The following TMEM178B variants were observed in gnomAD, a reference collection of about 807,000 sequenced individuals.
The protein encoded by TMEM178B is transmembrane protein 178B.
A neutral mutation model predicts 31.0 loss-of-function variants in TMEM178B; 5 were observed. That is an observed-to-expected ratio of 0.16 (90% confidence interval 0.08 to 0.34). The LOEUF (loss-of-function observed/expected upper bound fraction) is 0.34, where lower values mean the gene tolerates loss of function less well. Among genes scored for constraint, TMEM178B ranks in the 10% least tolerant of loss-of-function variants. The probability of loss-of-function intolerance (pLI) is 1.00; values close to 1 mark genes in which losing one functional copy is unlikely to be tolerated. For synonymous variants in TMEM178B, 164 were observed against 164.0 expected, an observed-to-expected ratio of 1.00 and a Z score of 0.00; for missense variants, 275 against 400.3, an observed-to-expected ratio of 0.69 and a Z score of 2.67.
At chr7:141,342,313 TA>T (rs895380511) in intron 2 of TMEM178B, among the ~76,000 whole-genome samples, 3 of 152,382 alleles carry the variant, frequency 2.0e-5, no homozygotes, top group African/African-American at 7.2e-5. Context: ...TCATTGGTTC[TA>T]ACCTTCCCGA....
At chr7:141,103,926 C>T (rs1486280508) in intron 1 of TMEM178B, among the ~76,000 whole-genome samples, 1 of 152,122 alleles carries the variant, frequency 6.6e-6, no homozygotes, top group Non-Finnish European at 1.5e-5. Context: ...TTTCAGGAAC[C>T]AATTCCTCTG....
At chr7:141,424,408 T>C (rs1801276806) in intron 2 of TMEM178B, among the ~76,000 whole-genome samples, 1 of 152,204 alleles carries the variant, frequency 6.6e-6, no homozygotes, top group Admixed American at 6.5e-5. Context: ...AAGAGGAGCA[T>C]GGCAGGTCTG....
intron 1 of TMEM178B, among the ~76,000 whole-genome samples, chr7:141,165,257 C>T (rs768032570): frequency 1.3e-5 from 2 of 152,156 alleles, no homozygotes; most frequent in African/African-American, 4.8e-5. Context: ...TCTTAGTCTC[C>T]TTCAACCTGT....
intron 1 of TMEM178B, among the ~76,000 whole-genome samples, chr7:141,111,196 T>C (rs1469167395): frequency 6.6e-6 from 1 of 152,186 alleles, no homozygotes; most frequent in Non-Finnish European, 1.5e-5. Flanking sequence ...AGCAAAGTCA[T>C]GTCTTACATG....
At chr7:141,386,523 T>G (rs1800433548) in intron 2 of TMEM178B, among the ~76,000 whole-genome samples, 1 of 152,216 alleles carries the variant, frequency 6.6e-6, no homozygotes, top group Non-Finnish European at 1.5e-5. Context: ...GGGGTACAAT[T>G]TGATGTTTTG....
intron 2 of TMEM178B, among the ~76,000 whole-genome samples, chr7:141,354,320 A>ATCC (rs1455294338): frequency 6.6e-6 from 1 of 152,220 alleles, no homozygotes; most frequent in Non-Finnish European, 1.5e-5. Context: ...ATGTTAAAGA[A>ATCC]CTTATGTATC....
intron 1 of TMEM178B, among the ~76,000 whole-genome samples, chr7:141,138,391 T>C (rs1206459317): frequency 1.3e-5 from 2 of 152,164 alleles, no homozygotes; most frequent in African/African-American, 4.8e-5. Context: ...GAGAGTCCTA[T>C]GGGTCCTTAT....
At chr7:141,223,935 G>T (rs915285075) in intron 2 of TMEM178B, among the ~76,000 whole-genome samples, 2 of 152,132 alleles carry the variant, frequency 1.3e-5, no homozygotes, top group Non-Finnish European at 2.9e-5. Flanking sequence ...TGGTTTGACT[G>T]TGTCCCCACC....
chr7:141,199,670 A>G (rs1218017729), intron 1 of TMEM178B, among the ~76,000 whole-genome samples: 1 of 152,102 alleles, frequency 6.6e-6, no homozygotes, highest in East Asian at 1.9e-4. Flanking sequence ...CACTTTAACC[A>G]TGAACTCCTG....
the TMEM178B span, among the ~76,000 whole-genome samples, chr7:141,496,921 G>A: frequency 6.6e-6 from 1 of 152,126 alleles, no homozygotes; most frequent in Non-Finnish European, 1.5e-5. Flanking sequence ...TAAGGTGGTA[G>A]TGGTTCAGAC....
intron 2 of TMEM178B, among the ~76,000 whole-genome samples, chr7:141,255,882 G>T (rs1380170316): frequency 2.0e-5 from 3 of 152,136 alleles, no homozygotes; most frequent in Admixed American, 2.0e-4. Context: ...AAAGCAAAAG[G>T]TCAGGATGGA....
At chr7:141,103,539 A>G (rs1563088525) in intron 1 of TMEM178B, among the ~76,000 whole-genome samples, 2 of 152,116 alleles carry the variant, frequency 1.3e-5, no homozygotes, top group Non-Finnish European at 2.9e-5. Flanking sequence ...TGAGGGCTCT[A>G]TCTCATTTGT....
intron 2 of TMEM178B, among the ~76,000 whole-genome samples, chr7:141,330,679 G>T (rs1342572654): frequency 6.6e-6 from 1 of 152,186 alleles, no homozygotes; most frequent in Non-Finnish European, 1.5e-5. Context: ...GAAACTGATG[G>T]ATTTGAGGGA....
intron 3 of TMEM178B, among the ~76,000 whole-genome samples, chr7:141,440,375 C>T (rs1801635381): frequency 1.3e-5 from 2 of 152,200 alleles, no homozygotes; most frequent in Non-Finnish European, 2.9e-5. Context: ...CCACTCCAGA[C>T]CCATCCAAGT....
intron 2 of TMEM178B, among the ~76,000 whole-genome samples, chr7:141,308,651 C>G (rs1239005658): frequency 6.6e-6 from 1 of 152,124 alleles, no homozygotes; most frequent in Non-Finnish European, 1.5e-5. Context: ...GGCCTGAAAT[C>G]CCACCCCAGT....
the TMEM178B span, among the ~76,000 whole-genome samples, chr7:141,488,400 AT>A: frequency 1.3e-5 from 2 of 151,978 alleles, no homozygotes. Flanking sequence ...GATTCATCCT[AT>A]TGGATATTGC....
chr7:141,313,600 C>T (rs1798950262), intron 2 of TMEM178B, among the ~76,000 whole-genome samples: 2 of 152,112 alleles, frequency 1.3e-5, no homozygotes, highest in Admixed American at 1.3e-4. Flanking sequence ...AAGTTCTATG[C>T]CAAAAGGAGG....
chr7:141,484,461 G>A (rs1339546551), downstream of TMEM178B, among the ~76,000 whole-genome samples: 3 of 152,278 alleles, frequency 2.0e-5, no homozygotes, highest in East Asian at 1.9e-4. This position sits in a 1 kb window ranked among gnomAD's most constrained non-coding sequence, Gnocchi z 4.8. Context: ...ATTTTAACAT[G>A]ATCCCCAAAG....
chr7:141,097,890 C>G (rs1794992451), intron 1 of TMEM178B, among the ~76,000 whole-genome samples: 1 of 147,992 alleles, frequency 6.8e-6, no homozygotes, highest in Middle Eastern at 3.2e-3. Context: ...CTCCCTGGTT[C>G]AAGTGATCCT....
Sources: gnomAD v4.1 joint callset for allele counts (sites outside exome capture counted in the v4.1 genomes callset) on GRCh38, gnomAD v4.1.1 for gene constraint, Gnocchi (gnomAD v3.1) non-coding constraint, MANE v1.5 for transcripts, NCBI Gene and HGNC (gene_info 2026-07-23, HGNC 2026-07-21) for gene names.